FGD4: variants seen among roughly 807,000 people sequenced by gnomAD.
FGD4 encodes the protein FYVE, RhoGEF and PH domain-containing protein 4.
FGD4 carries 42 observed loss-of-function variants against 102.0 expected under a neutral mutation model. The observed-to-expected ratio is 0.41, with a 90% CI of 0.32 to 0.53. The LOEUF (loss-of-function observed/expected upper bound fraction) is 0.53, where lower values mean the gene tolerates loss of function less well. Among genes scored for constraint, FGD4 ranks in the 20% least tolerant of loss-of-function variants. The pLI, the probability that FGD4 is intolerant of heterozygous loss-of-function variation, is 0.21. For missense variants in FGD4, 902 were observed against 1,078.2 expected (o/e 0.84, Z 2.29); for synonymous variants, 380 against 375.7 (o/e 1.01, Z -0.13).
At chr12:32,418,680 G>A (rs780191531) in intron 1 of FGD4, among the ~76,000 whole-genome samples, 4 of 152,142 alleles carry the variant, frequency 2.6e-5, no homozygotes, top group African/African-American at 4.8e-5. Context: ...GATAGCACTC[G>A]ATCTTGCCCA....
chr12:32,453,233 ATATATTTTTTTTT>A (rs1942855999), intron 1 of FGD4, among the ~76,000 whole-genome samples: 4 of 62,058 alleles, frequency 6.4e-5, no homozygotes, highest in Non-Finnish European at 1.2e-4. Context: ...ATAGATATAT[ATATATTTTTTTTT>A]TTTTAAATGT....
Position 32,641,833 on chromosome 12 carries a change from A to C in FGD4, c.*1300A>C, listed in dbSNP as rs2137105047. 1 of 152,254 alleles carries C rather than the reference A, an allele frequency of 6.6e-6. No homozygotes were observed. The highest frequency in any genetic ancestry group is 1.5e-5 in the Non-Finnish European group (1 of 67,994). The allele number at this position is 152,254 out of a possible 1,614,324, so 9.4% of individuals were successfully genotyped here. Reference sequence around the variant, plus strand: ...CTGGTCACATGATTCCTTGTCATGAAGGCTGCTCTTCACTCTTTTGTACTT... The same window carrying C: ...CTGGTCACATGATTCCTTGTCATGACGGCTGCTCTTCACTCTTTTGTACTT... On this transcript the variant is annotated 3_prime_UTR_variant, in exon 17 of 17. Transcript: ENST00000534526.
rs1042342439 is a variant in FGD4, at chr12:32,601,597, A to G, written c.1247+174A>G. ...CAAAGGACTTCATGTCTGCTCTCCAAACTATCATTTAGCTAGTGAAGACAA... is the reference window on the plus strand; with the variant it reads ...CAAAGGACTTCATGTCTGCTCTCCAGACTATCATTTAGCTAGTGAAGACAA... On this transcript the variant is annotated intron_variant, in intron 6 of 16. Coordinates refer to ENST00000534526, the MANE Select transcript of FGD4 (RefSeq NM_001370298.3). Among the ~76,000 whole-genome samples, 5 of 152,324 alleles carry G rather than the reference A, an allele frequency of 3.3e-5. No individual in the cohort carries two copies. The East Asian group carries it at 9.6e-4, about 29-fold the overall frequency.
intron 1 of FGD4, among the ~76,000 whole-genome samples, chr12:32,481,241 A>G (rs902503577): frequency 3.3e-5 from 5 of 151,316 alleles, no homozygotes; most frequent in Non-Finnish European, 5.9e-5. Context: ...GATCAAGACC[A>G]TCCTGGTTAA....
chr12:32,631,503 CTT>C (rs1228901589), intron 14 of FGD4, among the ~76,000 whole-genome samples: 12 of 124,546 alleles, frequency 9.6e-5, no homozygotes, highest in South Asian at 2.7e-4. Flanking sequence ...GAGCAAACAG[CTT>C]TTTTTTTTTT....
At chr12:32,551,782 G>C (rs942714812) in intron 1 of FGD4, among the ~76,000 whole-genome samples, 1 of 152,178 alleles carries the variant, frequency 6.6e-6, no homozygotes, top group African/African-American at 2.4e-5. Context: ...TATCTGCACA[G>C]TAATATGCGT....
rs373750511 is a variant in FGD4 at position 32,405,871 on chromosome 12, CT to C, written c.166+5922del. Among the ~76,000 whole-genome samples the C allele has an allele frequency of 5.1e-3, 763 of 148,804 alleles. 4 individuals carry two copies. Among genetic ancestry groups the C allele is most frequent in the South Asian group, 0.022 (103 of 4,672 alleles). Reference sequence around the variant, plus strand: ...ACTTGTATTGCTCTTACTCAAATCTCTTTTTTTTTTCAAATACGCATTTGCT... The same window carrying C: ...ACTTGTATTGCTCTTACTCAAATCTCTTTTTTTTTCAAATACGCATTTGCT... On this transcript the variant is annotated intron_variant, in intron 1 of 16. Transcript: ENST00000534526.
intron 1 of FGD4, among the ~76,000 whole-genome samples, chr12:32,431,377 A>T (rs1942037624): frequency 6.6e-6 from 1 of 152,218 alleles, no homozygotes; most frequent in African/African-American, 2.4e-5. Flanking sequence ...CATTTCTGGC[A>T]TAGGTCCTGA....
intron 1 of FGD4, among the ~76,000 whole-genome samples, chr12:32,438,073 G>T (rs1041782486): frequency 1.3e-5 from 2 of 152,162 alleles, no homozygotes; most frequent in African/African-American, 4.8e-5. Flanking sequence ...TATAGTTTTA[G>T]TAGAGACTGG....
chr12:32,524,375 G>A lies in FGD4; in HGVS notation c.167-39762G>A, dbSNP rs369401768. 4.4e-4 allele frequency among the ~76,000 whole-genome samples: 57 copies of A among 128,684 alleles called. No homozygotes were observed. In the East Asian group the frequency reaches 9.3e-3, roughly 21 times the overall value. 84.4% of individuals were successfully genotyped at this position (128,684 alleles called of 152,430 possible). A position where few individuals can be genotyped will look rare whatever the true frequency, so the allele number is the denominator to read the frequency against. ...CGCGCCATTGCACTCCAGCCTGGGC[G>A]ACAGAGGGAGACTCTGTCTCAAAAA... On this transcript the variant is annotated intron_variant, in intron 1 of 16. Coordinates refer to ENST00000534526, the MANE Select transcript of FGD4 (RefSeq NM_001370298.3).
chr12:32,457,177 G>A (rs905628080), intron 1 of FGD4, among the ~76,000 whole-genome samples: 19 of 151,898 alleles, frequency 1.3e-4, no homozygotes, highest in African/African-American at 4.6e-4. Context: ...TTTCTTATAA[G>A]CAAATACATA....
chr12:32,410,177 A>T (rs1348413171), intron 1 of FGD4, among the ~76,000 whole-genome samples: 1 of 152,060 alleles, frequency 6.6e-6, no homozygotes, highest in Admixed American at 6.5e-5. Context: ...AAATACAAAA[A>T]ATTAGCCGGG....
chr12:32,495,999 G>A (rs1345853876), intron 1 of FGD4, among the ~76,000 whole-genome samples: 15 of 152,168 alleles, frequency 9.9e-5, no homozygotes, highest in Admixed American at 8.5e-4. Context: ...TGGGGTTTGG[G>A]CTTGGGGTAG....
chr12:32,599,197 A>G (rs1053048127), intron 5 of FGD4, among the ~76,000 whole-genome samples: 6 of 152,160 alleles, frequency 3.9e-5, no homozygotes, highest in Admixed American at 1.3e-4. Context: ...AGAACATATT[A>G]TAAGAATAAC....
chr12:32,415,448 A>C (rs1473883248), intron 1 of FGD4, among the ~76,000 whole-genome samples: 1 of 115,642 alleles, frequency 8.6e-6, no homozygotes, highest in African/African-American at 3.5e-5. Context: ...TTTGAGACAG[A>C]GTCTCCCTGT....
chr12:32,645,508 C>G lies in FGD4; in HGVS notation c.*4975C>G, dbSNP rs1344142694. ...TAAAAATAAAACAAAATAAGTGTAT[C>G]TGGGCCAGGCACGGTAGCCCATGCC... On this transcript the variant is annotated 3_prime_UTR_variant, in exon 17 of 17. Transcript: ENST00000534526. 1 of 152,042 alleles carries G rather than the reference C, an allele frequency of 6.6e-6. No homozygotes were observed. Among genetic ancestry groups the G allele is most frequent in the Non-Finnish European group, 1.5e-5 (1 of 68,084 alleles). 9.4% of individuals were successfully genotyped at this position (152,042 alleles called of 1,614,324 possible). A position where few individuals can be genotyped will look rare whatever the true frequency, so the allele number is the denominator to read the frequency against.
At chr12:32,568,412 C>A (rs1592251198) in intron 2 of FGD4, among the ~76,000 whole-genome samples, 1 of 152,218 alleles carries the variant, frequency 6.6e-6, no homozygotes, top group South Asian at 2.1e-4. Context: ...AATAGTCAAA[C>A]AAATTACTGA....
intron 1 of FGD4, among the ~76,000 whole-genome samples, chr12:32,557,489 C>T (rs1241420292): frequency 1.3e-5 from 2 of 152,108 alleles, no homozygotes; most frequent in African/African-American, 4.8e-5. Flanking sequence ...TGGAAATATT[C>T]CCAGTCTGCT....
At chr12:32,602,028 T>G in intron 6 of FGD4, 133 bp from the exon 7 acceptor site, 1 of 749,514 alleles carries the variant, frequency 1.3e-6, no homozygotes, top group Non-Finnish European at 2.2e-6. Flanking sequence ...AGCTGGAGGA[T>G]TGATTGAACC....
Sources: gnomAD v4.1 joint callset for allele counts (sites outside exome capture counted in the v4.1 genomes callset) on GRCh38, gnomAD v4.1.1 for gene constraint, MANE v1.5 for transcripts, NCBI Gene and HGNC (gene_info 2026-07-23, HGNC 2026-07-21) for gene names.